The following TCF7L1 variants were observed in gnomAD, a reference collection of about 807,000 sequenced individuals.
The protein encoded by TCF7L1 is transcription factor 7 like 1, also known as transcription factor 7-like 1.
Under a neutral mutation model 63.7 loss-of-function variants are expected in TCF7L1, and 18 were observed. The observed-to-expected ratio is 0.28, with a 90% CI of 0.20 to 0.42. The LOEUF (loss-of-function observed/expected upper bound fraction) is 0.42, where lower values mean the gene tolerates loss of function less well. Ranked by LOEUF, TCF7L1 falls within the 10% of genes least tolerant of loss-of-function variation. The pLI, the probability that TCF7L1 is intolerant of heterozygous loss-of-function variation, is 1.00. For missense variants in TCF7L1, 654 were observed against 779.3 expected (o/e 0.84, Z 1.91); for synonymous variants, 355 against 340.9 (o/e 1.04, Z -0.46).
intron 5 of TCF7L1, chr2:85,303,672 C>G: frequency 2.3e-6 from 1 of 429,886 alleles, no homozygotes; most frequent in Admixed American, 4.0e-5. Context: ...AGATAGAATC[C>G]GTGCAGCTAG....
At chr2:85,157,868 C>G (rs73943063) in intron 3 of TCF7L1, among the ~76,000 whole-genome samples, 2,277 of 152,302 alleles carry the variant, frequency 0.015, 67 homozygotes, top group African/African-American at 0.052. Context: ...CCTCCTCTCC[C>G]TCCTTCCCTC....
intron 3 of TCF7L1, among the ~76,000 whole-genome samples, chr2:85,252,671 CACAA>C (rs1488154234): frequency 2.0e-5 from 3 of 152,366 alleles, no homozygotes; most frequent in East Asian, 1.9e-4. Context: ...AATGCTTGCA[CACAA>C]ACAGTGTCAT....
At chr2:85,290,467 T>C (rs10185095) in intron 4 of TCF7L1, among the ~76,000 whole-genome samples, 49,435 of 152,144 alleles carry the variant, frequency 0.32, 8,816 homozygotes, top group South Asian at 0.44. Context: ...TGAGCCATCA[T>C]GCCCAACCTC....
chr2:85,147,284 T>C (rs1677901184), intron 3 of TCF7L1, among the ~76,000 whole-genome samples: 2 of 152,144 alleles, frequency 1.3e-5, no homozygotes, highest in African/African-American at 4.8e-5. Flanking sequence ...TGATGAAGCT[T>C]TTCGTGGGGG....
chr2:85,298,226 G>C (rs1201609869), intron 4 of TCF7L1, among the ~76,000 whole-genome samples: 1 of 143,924 alleles, frequency 6.9e-6, no homozygotes. Flanking sequence ...GGGCGCGGTG[G>C]CTCACGCCTG....
In TCF7L1 at chr2:85,304,545, A is replaced by C. The variant is rs1458415256; in HGVS notation, c.845+207A>C. Among the ~76,000 whole-genome samples, 11 of 151,756 alleles carry C rather than the reference A, an allele frequency of 7.2e-5. No homozygotes were observed. The East Asian group carries it at 2.1e-3, about 29-fold the overall frequency. ...ACAGGATCACTGTCCCCATCTCTCC[A>C]ACAGAAGGATTGCAAAGCCCTAGCA... On this transcript the variant is annotated intron_variant, in intron 7 of 11. Transcript: ENST00000282111.
intron 4 of TCF7L1, 54 bp downstream of exon 4, chr2:85,283,632 C>T: frequency 6.4e-7 from 1 of 1,568,546 alleles, no homozygotes; most frequent in Non-Finnish European, 8.8e-7. Context: ...GGCCTCATCC[C>T]ATGCCACTGC....
intron 4 of TCF7L1, among the ~76,000 whole-genome samples, chr2:85,300,258 C>T (rs1359925758): frequency 6.6e-6 from 1 of 151,892 alleles, no homozygotes; most frequent in East Asian, 1.9e-4. Context: ...GGTAATAATT[C>T]TATTGGATTT....
At chr2:85,147,010 G>A (rs929206734) in intron 3 of TCF7L1, among the ~76,000 whole-genome samples, 1 of 152,054 alleles carries the variant, frequency 6.6e-6, no homozygotes, top group South Asian at 2.1e-4. Context: ...GATATTTTGA[G>A]GTGGTACACT....
At chr2:85,299,096 A>G (rs990247929) in intron 4 of TCF7L1, among the ~76,000 whole-genome samples, 11 of 144,574 alleles carry the variant, frequency 7.6e-5, no homozygotes, top group African/African-American at 2.0e-4. Context: ...CAAAACCACA[A>G]TTACTTTTGC....
At chr2:85,283,782 G>A (rs1472272336) in intron 4 of TCF7L1, among the ~76,000 whole-genome samples, 1 of 152,182 alleles carries the variant, frequency 6.6e-6, no homozygotes, top group Non-Finnish European at 1.5e-5. Flanking sequence ...CAGATGTTTT[G>A]TAATTGGAAT....
chr2:85,151,475 A>G lies in TCF7L1; in HGVS notation c.441+17025A>G, dbSNP rs545006272. On this transcript the variant is annotated intron_variant, in intron 3 of 11. Coordinates refer to ENST00000282111, the MANE Select transcript of TCF7L1 (RefSeq NM_031283.3). ...TAATAGATGTTGTTTTCCATCAGAG[A>G]TACTGATTATCTCTCTGTGATGTCA... is the stretch of plus-strand genomic sequence containing the variant. 3.2e-4 allele frequency among the ~76,000 whole-genome samples: 49 copies of G among 152,244 alleles called. 3 individuals are homozygous for G. In the South Asian group the frequency reaches 0.01, roughly 32 times the overall value.
intron 4 of TCF7L1, among the ~76,000 whole-genome samples, chr2:85,294,026 A>ATTTTTTT (rs774050758): frequency 0.022 from 1,290 of 59,434 alleles, 307 homozygotes; most frequent in African/African-American, 0.072. Flanking sequence ...GAACACTGGG[A>ATTTTTTT]TTTTTTTTTT....
In TCF7L1 at chr2:85,133,909, C is replaced by T; in HGVS notation, c.225C>T (p.Asn75=). 2 of 1,526,766 alleles carry T rather than the reference C, an allele frequency of 1.3e-6. No individual in the cohort carries two copies. The highest frequency in any genetic ancestry group is 1.8e-6 in the Non-Finnish European group (2 of 1,133,656). 94.6% of individuals were successfully genotyped at this position (1,526,766 alleles called of 1,614,324 possible). Residue 75 remains asparagine, a synonymous_variant, in exon 1 of 12, where the codon AAC becomes AAT. Transcript: ENST00000282111. The surrounding 1 kb of genome is among the most constrained non-coding windows in gnomAD (Gnocchi z 4.4). ...VKSSLVNESE[N]QSSSSDSEAE... is the part of the protein sequence containing the mutation. ...CGTCCCTGGTCAACGAGTCGGAGAA[C>T]CAGAGCAGCAGCTCGGACTCGGAGG...
At chr2:85,167,248 G>C (rs891140346) in intron 3 of TCF7L1, 1 of 152,816 alleles carries the variant, frequency 6.5e-6, no homozygotes, top group East Asian at 1.9e-4. Flanking sequence ...GACTGGCTGG[G>C]GGGTAAGGGG....
At chr2:85,218,169 A>T (rs552694430) in intron 3 of TCF7L1, among the ~76,000 whole-genome samples, 26 of 152,198 alleles carry the variant, frequency 1.7e-4, no homozygotes, top group African/African-American at 6.0e-4. Context: ...AAGCACTATA[A>T]TTAACTCTAG....
intron 4 of TCF7L1, among the ~76,000 whole-genome samples, chr2:85,287,288 GTTGT>G (rs1681585732): frequency 1.3e-5 from 2 of 152,150 alleles, no homozygotes. Flanking sequence ...CACATAATCA[GTTGT>G]TTGTCTTTTT....
At chr2:85,205,256 T>C (rs141651026) in intron 3 of TCF7L1, among the ~76,000 whole-genome samples, 34 of 152,324 alleles carry the variant, frequency 2.2e-4, no homozygotes, top group African/African-American at 7.9e-4. Flanking sequence ...AGATATTTTT[T>C]AAAAGAAAAA....
intron 3 of TCF7L1, among the ~76,000 whole-genome samples, chr2:85,230,715 G>A (rs1221789483): frequency 1.3e-5 from 2 of 152,170 alleles, no homozygotes; most frequent in Admixed American, 6.5e-5. Flanking sequence ...GGCAACCATA[G>A]AGTGCCCATT....
Sources: gnomAD v4.1 joint callset for allele counts (sites outside exome capture counted in the v4.1 genomes callset) on GRCh38, gnomAD v4.1.1 for gene constraint, Gnocchi (gnomAD v3.1) non-coding constraint, MANE v1.5 for transcripts, NCBI Gene and HGNC (gene_info 2026-07-23, HGNC 2026-07-21) for gene names.